HMGCLL1: variants seen among roughly 807,000 people sequenced by gnomAD.
HMGCLL1 encodes the protein 3-hydroxymethyl-3-methylglutaryl-CoA lyase, cytoplasmic.
Under a neutral mutation model 39.1 loss-of-function variants are expected in HMGCLL1, and 36 were observed. The observed-to-expected ratio is 0.92, with a 90% CI of 0.71 to 1.22. The LOEUF (loss-of-function observed/expected upper bound fraction) is 1.22, where lower values mean the gene tolerates loss of function less well. Ranked by LOEUF, HMGCLL1 falls within the 50% of genes most tolerant of loss-of-function variation. The pLI is 0.00. For missense variants in HMGCLL1, 451 were observed against 416.5 expected (o/e 1.08, Z -0.72); for synonymous variants, 149 against 144.0 (o/e 1.03, Z -0.25).
At chr6:55,665,036 G>A in the HMGCLL1 span, among the ~76,000 whole-genome samples, 2 of 151,678 alleles carry the variant, frequency 1.3e-5, no homozygotes, top group African/African-American at 4.8e-5. Flanking sequence ...TTTATTAGAA[G>A]TGAGTCAACA....
intron 7 of HMGCLL1, among the ~76,000 whole-genome samples, chr6:55,461,353 G>T (rs1175161249): frequency 1.3e-5 from 2 of 151,878 alleles, no homozygotes; most frequent in Non-Finnish European, 2.9e-5. Context: ...AATGAAACAA[G>T]AAACGCAAAT....
At chr6:55,669,172 A>T in the HMGCLL1 span, among the ~76,000 whole-genome samples, 1 of 151,822 alleles carries the variant, frequency 6.6e-6, no homozygotes, top group Non-Finnish European at 1.5e-5. Context: ...CAACCTGAAC[A>T]TGCCTGGATC....
chr6:55,613,089 T>A, the HMGCLL1 span, among the ~76,000 whole-genome samples: 1 of 151,440 alleles, frequency 6.6e-6, no homozygotes, highest in African/African-American at 2.4e-5. Context: ...ACAAGAAACA[T>A]AAACAAATTC....
the HMGCLL1 span, among the ~76,000 whole-genome samples, chr6:55,638,712 A>G: frequency 6.6e-6 from 1 of 152,186 alleles, no homozygotes; most frequent in Non-Finnish European, 1.5e-5. Context: ...ATTCTTAGTC[A>G]AATGACAGGA....
At chr6:55,537,544 T>C (rs1419764116) in intron 3 of HMGCLL1, among the ~76,000 whole-genome samples, 1 of 151,984 alleles carries the variant, frequency 6.6e-6, no homozygotes, top group Non-Finnish European at 1.5e-5. Flanking sequence ...GATCCATCCA[T>C]CAGTATGTCT....
chr6:55,467,504 G>A (rs185256134), intron 7 of HMGCLL1, among the ~76,000 whole-genome samples: 11 of 152,014 alleles, frequency 7.2e-5, no homozygotes, highest in Admixed American at 5.3e-4. Context: ...AGGAAAATTG[G>A]CACACCTAGA....
chr6:55,479,383 A>C (rs190171599), intron 7 of HMGCLL1, among the ~76,000 whole-genome samples: 1 of 151,662 alleles, frequency 6.6e-6, no homozygotes, highest in African/African-American at 2.4e-5. Flanking sequence ...TTTTGTTTGC[A>C]TTATACTATG....
chr6:55,513,991 G>C (rs1400100979), intron 5 of HMGCLL1, 57 bp downstream of exon 5: 2 of 1,443,824 alleles, frequency 1.4e-6, no homozygotes, highest in East Asian at 4.6e-5. Context: ...GATAATTTTT[G>C]AGTAAGCTTT....
At chr6:55,489,809 A>G (rs1282684211) in intron 7 of HMGCLL1, among the ~76,000 whole-genome samples, 1 of 152,124 alleles carries the variant, frequency 6.6e-6, no homozygotes, top group African/African-American at 2.4e-5. Flanking sequence ...TATTTTGATT[A>G]ACTATATTTG....
the HMGCLL1 span, among the ~76,000 whole-genome samples, chr6:55,632,761 T>A: frequency 2.0e-5 from 3 of 152,224 alleles, no homozygotes; most frequent in East Asian, 3.9e-4. Flanking sequence ...CATTAAAGGT[T>A]ACCATGCCTG....
At chr6:55,552,391 T>C (rs1038085059) in intron 1 of HMGCLL1, among the ~76,000 whole-genome samples, 2 of 152,002 alleles carry the variant, frequency 1.3e-5, no homozygotes, top group Non-Finnish European at 2.9e-5. Flanking sequence ...GTATCTGCTA[T>C]CCAGGTAGAA....
the HMGCLL1 span, among the ~76,000 whole-genome samples, chr6:55,668,306 T>C: frequency 6.6e-6 from 1 of 151,934 alleles, no homozygotes; most frequent in Admixed American, 6.6e-5. Context: ...GAATTGTCCC[T>C]AAAATATAGC....
At chr6:55,549,092 T>C (rs773708109) in intron 1 of HMGCLL1, among the ~76,000 whole-genome samples, 3 of 151,644 alleles carry the variant, frequency 2.0e-5, no homozygotes, top group East Asian at 3.9e-4. Context: ...CAATTTAACA[T>C]TGAAACAAAA....
the HMGCLL1 span, among the ~76,000 whole-genome samples, chr6:55,655,032 A>G: frequency 1.3e-5 from 2 of 151,908 alleles, no homozygotes; most frequent in Non-Finnish European, 2.9e-5. Context: ...TGTTGGAGAA[A>G]ATTTTAAACT....
chr6:55,647,902 A>G, the HMGCLL1 span, among the ~76,000 whole-genome samples: 2 of 107,916 alleles, frequency 1.9e-5, no homozygotes, highest in African/African-American at 7.5e-5. Flanking sequence ...TATATCTCCC[A>G]ATGCTATCCC....
the HMGCLL1 span, among the ~76,000 whole-genome samples, chr6:55,671,762 C>CT: frequency 2.0e-5 from 3 of 151,452 alleles, no homozygotes; most frequent in African/African-American, 2.4e-5. Context: ...TTTGGGGATT[C>CT]TTTTTTTTAC....
At chr6:55,595,740 G>A in the HMGCLL1 span, among the ~76,000 whole-genome samples, 1 of 152,118 alleles carries the variant, frequency 6.6e-6, no homozygotes, top group African/African-American at 2.4e-5. Context: ...AATAATTCAT[G>A]AATCTGGCCA....
At chr6:55,524,246 A>T (rs1348192371) in intron 3 of HMGCLL1, among the ~76,000 whole-genome samples, 2 of 151,878 alleles carry the variant, frequency 1.3e-5, no homozygotes, top group Non-Finnish European at 2.9e-5. Flanking sequence ...GAGACGAACA[A>T]AGAATGTATA....
intron 1 of HMGCLL1, among the ~76,000 whole-genome samples, chr6:55,569,921 T>A (rs560787841): frequency 2.6e-5 from 4 of 152,258 alleles, no homozygotes; most frequent in Non-Finnish European, 5.9e-5. Context: ...CCTTAAGCTT[T>A]CCTTCAAAAG....
Sources: allele counts gnomAD v4.1 joint callset (sites outside exome capture counted in the v4.1 genomes callset), GRCh38; gene constraint gnomAD v4.1.1; transcripts MANE v1.5; gene names NCBI Gene and HGNC (gene_info 2026-07-23, HGNC 2026-07-21).